Variants in SIPA1L1 observed in about 807,000 individuals in gnomAD.
SIPA1L1 encodes the protein signal induced proliferation associated 1 like 1.
In SIPA1L1, 26 loss-of-function variants were observed where a neutral mutation model predicts 162.7. The ratio of observed to expected loss-of-function variants is 0.16; its 90% confidence interval spans 0.12 to 0.22. The LOEUF is 0.22. Ranked by LOEUF, SIPA1L1 falls within the 10% of genes least tolerant of loss-of-function variation. SIPA1L1 has a pLI of 1.00. For synonymous variants in SIPA1L1, 829 were observed against 837.4 expected (o/e 0.99, Z 0.17); for missense variants, 1,874 against 2,241.0 (o/e 0.84, Z 3.31).
intron 2 of SIPA1L1, among the ~76,000 whole-genome samples, chr14:71,441,100 G>T (rs575704038): frequency 6.6e-6 from 1 of 152,238 alleles, no homozygotes; most frequent in East Asian, 1.9e-4. Context: ...TAATTCTGAT[G>T]GTATAAATTT....
chr14:71,600,774 T>C (rs1039692004), intron 5 of SIPA1L1, among the ~76,000 whole-genome samples: 33 of 152,314 alleles, frequency 2.2e-4, no homozygotes, highest in Admixed American at 2.2e-3. Flanking sequence ...TAGTTTTCCT[T>C]ATAGAGATCT....
intron 3 of SIPA1L1, among the ~76,000 whole-genome samples, chr14:71,526,147 T>TA (rs1407432654): frequency 1.3e-5 from 2 of 152,240 alleles, no homozygotes; most frequent in African/African-American, 4.8e-5. Context: ...AGCATCCACT[T>TA]AGTAATGTGT....
intron 2 of SIPA1L1, among the ~76,000 whole-genome samples, chr14:71,472,111 A>G (rs2047507314): frequency 6.6e-6 from 1 of 152,180 alleles, no homozygotes; most frequent in Non-Finnish European, 1.5e-5. Flanking sequence ...TGCGAAGTGC[A>G]TGGATGCCCA....
intron 2 of SIPA1L1, among the ~76,000 whole-genome samples, chr14:71,356,389 A>G (rs905273954): frequency 5.9e-5 from 9 of 151,412 alleles, no homozygotes; most frequent in African/African-American, 1.7e-4. Flanking sequence ...ATAGTAATCA[A>G]TAATATAAGC....
chr14:71,712,949 T>C (rs2082985883), intron 17 of SIPA1L1, among the ~76,000 whole-genome samples: 1 of 152,184 alleles, frequency 6.6e-6, no homozygotes, highest in Non-Finnish European at 1.5e-5. Context: ...TTTACTGCCA[T>C]CTAGTCAGTA....
intron 14 of SIPA1L1, 53 bp downstream of exon 14, chr14:71,699,180 C>G (rs2081896052): frequency 6.5e-7 from 1 of 1,535,486 alleles, no homozygotes; most frequent in Middle Eastern, 1.7e-4. Flanking sequence ...TCATTTCTTT[C>G]ATCTGTACTC....
intron 2 of SIPA1L1, among the ~76,000 whole-genome samples, chr14:71,453,034 A>G (rs185963413): frequency 6.6e-6 from 1 of 152,188 alleles, no homozygotes; most frequent in Admixed American, 6.5e-5. Context: ...ATCCAATTTA[A>G]TGACTTTCTG....
At chr14:71,498,869 T>C (rs2049988242) in intron 2 of SIPA1L1, among the ~76,000 whole-genome samples, 1 of 152,214 alleles carries the variant, frequency 6.6e-6, no homozygotes, top group Non-Finnish European at 1.5e-5. Flanking sequence ...TTGTGCTGTT[T>C]AACCATAGGT....
intron 2 of SIPA1L1, among the ~76,000 whole-genome samples, chr14:71,336,384 A>G (rs993752310): frequency 6.6e-6 from 1 of 152,094 alleles, no homozygotes; most frequent in Non-Finnish European, 1.5e-5. Flanking sequence ...CTCCGACCCT[A>G]GCCCTAGGCT....
At chr14:71,508,746 T>A (rs901314612) in intron 2 of SIPA1L1, among the ~76,000 whole-genome samples, 1 of 152,258 alleles carries the variant, frequency 6.6e-6, no homozygotes, top group African/African-American at 2.4e-5. Flanking sequence ...ACATAGTCTT[T>A]GTTTTTTGTA....
chr14:71,517,588 A>G (rs1184286525), intron 3 of SIPA1L1, among the ~76,000 whole-genome samples: 1 of 152,198 alleles, frequency 6.6e-6, no homozygotes, highest in South Asian at 2.1e-4. Context: ...CCATCTGCCT[A>G]CCTAACATCT....
intron 2 of SIPA1L1, among the ~76,000 whole-genome samples, chr14:71,433,663 C>G (rs1032051264): frequency 6.6e-6 from 1 of 151,724 alleles, no homozygotes; most frequent in African/African-American, 2.4e-5. Context: ...TTTTTTTTTC[C>G]TGAGAAAAGA....
At chr14:71,460,518 G>T (rs577992949) in intron 2 of SIPA1L1, among the ~76,000 whole-genome samples, 1 of 152,280 alleles carries the variant, frequency 6.6e-6, no homozygotes, top group East Asian at 1.9e-4. Flanking sequence ...TGCCAACACT[G>T]TAACTCCCTT....
At chr14:71,702,344 C>T (rs749074623) in intron 14 of SIPA1L1, 37 bp from the exon 15 acceptor site, 2 of 1,612,120 alleles carry the variant, frequency 1.2e-6, no homozygotes, top group Middle Eastern at 1.7e-4. Flanking sequence ...GGGTAAGGTC[C>T]CTGATGTTGT....
intron 2 of SIPA1L1, among the ~76,000 whole-genome samples, chr14:71,373,972 C>T (rs1466188200): frequency 6.6e-6 from 1 of 152,146 alleles, no homozygotes; most frequent in African/African-American, 2.4e-5. Context: ...TAGAGTCATT[C>T]TGTTTGAAAT....
At chr14:71,379,292 T>A (rs569221860) in intron 2 of SIPA1L1, among the ~76,000 whole-genome samples, 6 of 151,912 alleles carry the variant, frequency 3.9e-5, no homozygotes, top group South Asian at 2.1e-4. Flanking sequence ...ATTAAGACTT[T>A]CTTTCTTTCT....
intron 7 of SIPA1L1, among the ~76,000 whole-genome samples, chr14:71,649,551 A>C (rs2042451895): frequency 6.6e-6 from 1 of 152,208 alleles, no homozygotes; most frequent in Non-Finnish European, 1.5e-5. Flanking sequence ...TAACACCTTA[A>C]AATTTCTTTG....
At chr14:71,524,715 C>T (rs77846051) in intron 3 of SIPA1L1, among the ~76,000 whole-genome samples, 50 of 152,314 alleles carry the variant, frequency 3.3e-4, no homozygotes, top group African/African-American at 1.2e-3. Flanking sequence ...TCTCAAAGTG[C>T]TGGGATTATA....
chr14:71,582,520 A>G (rs1236110099), intron 4 of SIPA1L1, among the ~76,000 whole-genome samples: 1 of 152,180 alleles, frequency 6.6e-6, no homozygotes, highest in Non-Finnish European at 1.5e-5. Flanking sequence ...TTTTTTAGCT[A>G]CGAGGGTGAG....
Sources: allele counts gnomAD v4.1 joint callset (sites outside exome capture counted in the v4.1 genomes callset), GRCh38; gene constraint gnomAD v4.1.1; transcripts MANE v1.5; gene names NCBI Gene and HGNC (gene_info 2026-07-23, HGNC 2026-07-21).